Variants in ANKS1B observed in about 807,000 individuals in gnomAD.
ANKS1B encodes ankyrin repeat and sterile alpha motif domain-containing protein 1B.
ANKS1B carries 36 observed loss-of-function variants against 148.3 expected under a neutral mutation model. The observed-to-expected ratio is 0.24, with a 90% CI of 0.19 to 0.32. The LOEUF is 0.32. Ranked by LOEUF, ANKS1B falls within the 10% of genes least tolerant of loss-of-function variation. The pLI, the probability that ANKS1B is intolerant of heterozygous loss-of-function variation, is 1.00. For missense variants in ANKS1B, 1,157 were observed against 1,542.6 expected (o/e 0.75, Z 4.19); for synonymous variants, 542 against 560.8 (o/e 0.97, Z 0.47).
chr12:99,045,087 G>A, intron 17 of ANKS1B, among the ~76,000 whole-genome samples: 1 of 152,148 alleles, frequency 6.6e-6, no homozygotes, highest in East Asian at 1.9e-4. Context: ...TCAAACGGAA[G>A]CAGCTTTAGC....
At chr12:99,896,043 C>G (rs144996737) in intron 1 of ANKS1B, among the ~76,000 whole-genome samples, 1 of 151,168 alleles carries the variant, frequency 6.6e-6, no homozygotes, top group African/African-American at 2.4e-5. Flanking sequence ...TGTAATCAAG[C>G]CAATTAACAT....
At chr12:99,463,397 G>C (rs1390471532) in intron 10 of ANKS1B, among the ~76,000 whole-genome samples, 1 of 152,222 alleles carries the variant, frequency 6.6e-6, no homozygotes, top group Non-Finnish European at 1.5e-5. Flanking sequence ...TTCCATCTGA[G>C]GTACCGGGTT....
intron 2 of ANKS1B, among the ~76,000 whole-genome samples, chr12:99,815,722 T>G (rs1289242759): frequency 6.6e-6 from 1 of 151,702 alleles, no homozygotes; most frequent in African/African-American, 2.4e-5. Flanking sequence ...TAGCTCCCAC[T>G]TAGAAGTGAG....
intron 8 of ANKS1B, among the ~76,000 whole-genome samples, chr12:99,691,123 A>G (rs1047139843): frequency 1.3e-5 from 2 of 152,220 alleles, no homozygotes; most frequent in Non-Finnish European, 1.5e-5. Context: ...CCTTTTAGCC[A>G]TGGCTGGAGC....
At chr12:99,099,674 G>C (rs190487946) in intron 15 of ANKS1B, 1 of 152,264 alleles carries the variant, frequency 6.6e-6, no homozygotes, top group Admixed American at 6.5e-5. Context: ...GGGGAATTTG[G>C]TATTCCTTCA....
intron 17 of ANKS1B, among the ~76,000 whole-genome samples, chr12:98,856,081 G>T (rs1207209210): frequency 1.3e-5 from 2 of 152,102 alleles, no homozygotes; most frequent in South Asian, 4.1e-4. Context: ...TTGTTTAGAC[G>T]GAAGGTTGCA....
At chr12:99,330,294 T>A (rs556434482) in intron 12 of ANKS1B, among the ~76,000 whole-genome samples, 24 of 152,086 alleles carry the variant, frequency 1.6e-4, no homozygotes, top group African/African-American at 5.1e-4. Flanking sequence ...ATGTCTATTA[T>A]AGATTCAAGT....
intron 19 of ANKS1B, among the ~76,000 whole-genome samples, chr12:98,813,788 C>G (rs1372587516): frequency 2.0e-5 from 3 of 152,196 alleles, no homozygotes; most frequent in African/African-American, 7.2e-5. Context: ...CTCCTGGCCT[C>G]AAGTGATCCA....
At chr12:98,788,477 G>A (rs1264518395) in intron 22 of ANKS1B, among the ~76,000 whole-genome samples, 3 of 152,124 alleles carry the variant, frequency 2.0e-5, no homozygotes, top group Admixed American at 6.5e-5. Flanking sequence ...GAGGCTAAAT[G>A]ACCTTGCAAG....
At chr12:98,894,485 T>TGCCCCGGCAAAGCGTCTCCGCAGCC (rs1370063239) in intron 17 of ANKS1B, 9 of 672,078 alleles carry the variant, frequency 1.3e-5, no homozygotes, top group Middle Eastern at 7.4e-4. Context: ...CTGCAACACC[T>TGCCCCGGCAAAGCGTCTCCGCAGCC]GCCCCGGCAA....
chr12:99,982,188 G>A (rs748021344), intron 1 of ANKS1B, among the ~76,000 whole-genome samples: 1 of 151,976 alleles, frequency 6.6e-6, no homozygotes, highest in Non-Finnish European at 1.5e-5. Context: ...AATCTTTGTT[G>A]TAGAGCTACT....
intron 9 of ANKS1B, among the ~76,000 whole-genome samples, chr12:99,602,241 T>A (rs983236594): frequency 6.6e-6 from 1 of 152,000 alleles, no homozygotes; most frequent in East Asian, 1.9e-4. Context: ...AGTAAAAAAA[T>A]TGGGTTGTTG....
At chr12:99,052,733 T>C (rs1438789227) in intron 17 of ANKS1B, among the ~76,000 whole-genome samples, 2 of 4,734 alleles carry the variant, frequency 4.2e-4, no homozygotes, top group African/African-American at 1.9e-3. Flanking sequence ...AGACTCCGTC[T>C]CAAAAAAAAA....
chr12:99,936,810 G>T (rs1334194794), intron 1 of ANKS1B, among the ~76,000 whole-genome samples: 1 of 152,150 alleles, frequency 6.6e-6, no homozygotes, highest in South Asian at 2.1e-4. Context: ...CTAGAAAAGT[G>T]TAAGTATTCA....
chr12:99,793,520 A>G (rs1017661029), intron 4 of ANKS1B, among the ~76,000 whole-genome samples: 3 of 152,112 alleles, frequency 2.0e-5, no homozygotes, highest in Non-Finnish European at 2.9e-5. Context: ...ACAAATCTAC[A>G]CACCTACAGT....
intron 8 of ANKS1B, among the ~76,000 whole-genome samples, chr12:99,763,615 C>T (rs950499697): frequency 6.6e-6 from 1 of 151,764 alleles, no homozygotes; most frequent in African/African-American, 2.4e-5. Flanking sequence ...ACACAGTTTA[C>T]CCATGTAACA....
intron 9 of ANKS1B, among the ~76,000 whole-genome samples, chr12:99,626,741 G>C (rs1378936980): frequency 6.6e-6 from 1 of 152,142 alleles, no homozygotes; most frequent in African/African-American, 2.4e-5. Context: ...TGGGAATCTA[G>C]GGTTTGGTAA....
chr12:99,422,791 C>T (rs1240775012), intron 11 of ANKS1B, among the ~76,000 whole-genome samples: 2 of 151,948 alleles, frequency 1.3e-5, no homozygotes, highest in South Asian at 4.2e-4. Flanking sequence ...CATTAAAATG[C>T]TGATGGAAAT....
At chr12:99,637,904 T>TC (rs1477836477) in intron 9 of ANKS1B, among the ~76,000 whole-genome samples, 1 of 151,550 alleles carries the variant, frequency 6.6e-6, no homozygotes, top group Non-Finnish European at 1.5e-5. Flanking sequence ...GTTAGTTCTG[T>TC]CCCTCTAGAC....
Sources: allele counts gnomAD v4.1 joint callset (sites outside exome capture counted in the v4.1 genomes callset), GRCh38; gene constraint gnomAD v4.1.1; transcripts MANE v1.5; gene names NCBI Gene and HGNC (gene_info 2026-07-23, HGNC 2026-07-21).